ADCY1: variants seen among roughly 807,000 people sequenced by gnomAD.
The protein encoded by ADCY1 is adenylate cyclase type 1.
Under a neutral mutation model 105.4 loss-of-function variants are expected in ADCY1, and 28 were observed. The observed-to-expected ratio is 0.27, with a 90% CI of 0.20 to 0.36. The LOEUF (loss-of-function observed/expected upper bound fraction) is 0.36, where lower values mean the gene tolerates loss of function less well. Among genes scored for constraint, ADCY1 ranks in the 10% least tolerant of loss-of-function variants. The pLI, the probability that ADCY1 is intolerant of heterozygous loss-of-function variation, is 1.00. For synonymous variants in ADCY1, 655 were observed against 623.8 expected, an observed-to-expected ratio of 1.05 and a Z score of -0.75; for missense variants, 977 against 1,434.2, an observed-to-expected ratio of 0.68 and a Z score of 5.15.
Position 45,579,032 on chromosome 7 carries a change from G to A in ADCY1, c.639+3850G>A, listed in dbSNP as rs187561557. Among the ~76,000 whole-genome samples the A allele has an allele frequency of 3.2e-4, 49 of 152,284 alleles. No individual in the cohort carries two copies. The East Asian group carries it at 7.1e-3, about 22-fold the overall frequency. On this transcript the variant is annotated intron_variant, in intron 1 of 19. Coordinates refer to ENST00000297323, the MANE Select transcript of ADCY1 (RefSeq NM_021116.4). ...GAAATCACGATTATCACGGAGAAAT[G>A]GGAGTCAGCTGAAATTTCCCTGTGC...
At chr7:45,585,060 T>C (rs1224730904) in intron 1 of ADCY1, among the ~76,000 whole-genome samples, 2 of 152,250 alleles carry the variant, frequency 1.3e-5, no homozygotes, top group Non-Finnish European at 2.9e-5. Context: ...GCTGGAGCCA[T>C]GCTCAGTGGC....
At position 45,650,206 on chromosome 7, in the gene ADCY1, A is replaced by C. The variant is rs191721455; in HGVS notation, c.1148+1409A>C. Among the ~76,000 whole-genome samples the C allele has an allele frequency of 2.7e-3, 411 of 152,286 alleles. 1 individual carries two copies. In the Middle Eastern group the frequency reaches 0.027, roughly 10 times the overall value. On this transcript the variant is annotated intron_variant, in intron 5 of 19. Coordinates refer to ENST00000297323, the MANE Select transcript of ADCY1 (RefSeq NM_021116.4). ...TGCCACATCATGTTTCATGTAATATATATCACATATATCACATATCACATA... is the reference window on the plus strand; with the variant it reads ...TGCCACATCATGTTTCATGTAATATCTATCACATATATCACATATCACATA...
intron 19 of ADCY1, among the ~76,000 whole-genome samples, chr7:45,711,640 T>TAC (rs1785235199): frequency 1.9e-4 from 4 of 20,774 alleles, no homozygotes; most frequent in Admixed American, 7.2e-4. Context: ...TATATATATA[T>TAC]ATATACACAC....
intron 3 of ADCY1, among the ~76,000 whole-genome samples, chr7:45,611,441 G>A (rs1354072479): frequency 1.3e-5 from 2 of 152,072 alleles, no homozygotes; most frequent in African/African-American, 4.8e-5. Context: ...GACATTTTGG[G>A]CTCAGAATTT....
chr7:45,603,554 C>T (rs976203544), intron 2 of ADCY1, among the ~76,000 whole-genome samples: 6 of 152,098 alleles, frequency 3.9e-5, no homozygotes, highest in African/African-American at 1.4e-4. Context: ...ATCCCATGTG[C>T]CCTTTACCCA....
intron 8 of ADCY1, among the ~76,000 whole-genome samples, chr7:45,668,861 G>A (rs1784312006): frequency 6.6e-6 from 1 of 152,160 alleles, no homozygotes; most frequent in Admixed American, 6.5e-5. Context: ...AGTCTTGGGA[G>A]GGTGTATGTG....
Position 45,678,174 on chromosome 7 carries a change from G to A in ADCY1, c.1809G>A (p.Gln603=). ...KHVEREQKYH[Q]LQDEYFTSAV... Reference sequence around the variant, plus strand: ...ACTTCTCTCTTACACAGTACCACCAGCTTCAGGACGAGTATTTCACCAGCG... The same window carrying A: ...ACTTCTCTCTTACACAGTACCACCAACTTCAGGACGAGTATTTCACCAGCG... The change falls in exon 10 of 20, where the codon CAG becomes CAA. Residue 603 remains glutamine, a synonymous_variant. Coordinates refer to ENST00000297323, the MANE Select transcript of ADCY1 (RefSeq NM_021116.4). 1 of 1,614,190 alleles carries A rather than the reference G, an allele frequency of 6.2e-7. No individual in the cohort carries two copies. The highest frequency in any genetic ancestry group is 1.3e-5 in the African/African-American group (1 of 75,036).
In ADCY1 at chr7:45,710,318, A is replaced by G. The variant is rs1584347635; in HGVS notation, c.2933-210A>G. 6.6e-6 allele frequency among the ~76,000 whole-genome samples: 1 copy of G among 152,108 alleles called. No individual in the cohort carries two copies. The highest frequency in any genetic ancestry group is 1.5e-5 in the Non-Finnish European group (1 of 68,018). The stretch of plus-strand genomic sequence containing the variant: ...ACAGTGTCGTGAGGAGACCCTGCCC[A>G]GGGGAGCCCGTGCAGCAGGGCAGCT... On this transcript the variant is annotated intron_variant, in intron 18 of 19. Coordinates refer to ENST00000297323, the MANE Select transcript of ADCY1 (RefSeq NM_021116.4). The surrounding 1 kb of genome is among the most constrained non-coding windows in gnomAD (Gnocchi z 4.7).
At position 45,588,651 on chromosome 7, in the gene ADCY1, C is replaced by T. The variant is rs933157467; in HGVS notation, c.640-4108C>T. 2.6e-5 allele frequency among the ~76,000 whole-genome samples: 4 copies of T among 152,018 alleles called. No homozygotes were observed. In the East Asian group the frequency reaches 7.8e-4, roughly 30 times the overall value. On this transcript the variant is annotated intron_variant, in intron 1 of 19. Transcript: ENST00000297323. The stretch of plus-strand genomic sequence containing the variant: ...CAGTCAAGTAGAGATGCCCCAGGGC[C>T]TGCGGACAGGTCCTGCTCCTCCTGG...
At chr7:45,659,909 A>G in intron 6 of ADCY1, 133 bp from the exon 7 acceptor site, 1 of 1,151,936 alleles carries the variant, frequency 8.7e-7, no homozygotes, top group Non-Finnish European at 1.2e-6. Flanking sequence ...GCATGGGAGC[A>G]TGAATACTCC....
chr7:45,635,601 GTTTTTTT>G (rs71030884), intron 4 of ADCY1, among the ~76,000 whole-genome samples: 225 of 57,196 alleles, frequency 3.9e-3, no homozygotes, highest in African/African-American at 0.015. Context: ...AATTTCTCTT[GTTTTTTT>G]TTTTTTTTTT....
At chr7:45,694,115 T>TAAA (rs140981457) in intron 14 of ADCY1, among the ~76,000 whole-genome samples, 91 of 115,378 alleles carry the variant, frequency 7.9e-4, no homozygotes, top group Non-Finnish European at 9.4e-4. Flanking sequence ...TAGAGTATAA[T>TAAA]AAAAAAAAAA....
chr7:45,655,463 A>G (rs1024813225), intron 5 of ADCY1, among the ~76,000 whole-genome samples: 3 of 152,246 alleles, frequency 2.0e-5, no homozygotes, highest in South Asian at 2.1e-4. Context: ...TGTTCCTTGG[A>G]AATGAAGTTA....
intron 4 of ADCY1, among the ~76,000 whole-genome samples, chr7:45,628,648 G>A (rs1044408793): frequency 1.4e-4 from 21 of 152,274 alleles, no homozygotes; most frequent in African/African-American, 4.1e-4. Context: ...GAATATGTGT[G>A]GATGACTTTT....
At chr7:45,645,651 G>A (rs870010) in intron 4 of ADCY1, among the ~76,000 whole-genome samples, 60,983 of 151,860 alleles carry the variant, frequency 0.4, 12,459 homozygotes, top group South Asian at 0.5. Flanking sequence ...GACCCTGGAA[G>A]GATGCTGGGA....
chr7:45,660,494 C>T (rs573905500), intron 7 of ADCY1, among the ~76,000 whole-genome samples: 11 of 152,344 alleles, frequency 7.2e-5, no homozygotes, highest in South Asian at 2.1e-4. Flanking sequence ...CATGAAACCC[C>T]GCAGGGGGGC....
chr7:45,574,794 C>G lies in ADCY1; in HGVS notation c.251C>G (p.Pro84Arg), dbSNP rs1379522327. ...GCGCTGGCCGAGCTGCTGGGCGCGC[C>G]GGGGCCCGCGCCCGGCCTGGCCAAG... Reference protein sequence around the residue: ...ALALAELLGAPGPAPGLAKGS... With the variant: ...ALALAELLGARGPAPGLAKGS... Residue 84 changes from proline (P) to arginine (R), a missense_variant, in exon 1 of 20, where the codon CCG (proline) becomes CGG (arginine). Pro to Arg is a moderately radical substitution (Grantham distance 103). Coordinates refer to ENST00000297323, the MANE Select transcript of ADCY1 (RefSeq NM_021116.4). This position sits in a 1 kb window ranked among gnomAD's most constrained non-coding sequence, Gnocchi z 7.0. The G allele has an allele frequency of 3.2e-6, 5 of 1,556,458 alleles. No homozygotes were observed. The highest frequency in any genetic ancestry group is 1.4e-5 in the African/African-American group (1 of 70,354).
intron 2 of ADCY1, among the ~76,000 whole-genome samples, chr7:45,603,616 A>T (rs1438473694): frequency 9.2e-5 from 14 of 152,304 alleles, no homozygotes; most frequent in Non-Finnish European, 2.9e-5. Context: ...CACAACTAGG[A>T]TATTGACATT....
In ADCY1 at chr7:45,592,701, C is replaced by T. The variant is rs138435479; in HGVS notation, c.640-58C>T. On this transcript the variant is annotated intron_variant, in intron 1 of 19. Coordinates refer to ENST00000297323, the MANE Select transcript of ADCY1 (RefSeq NM_021116.4). ...TGCTATGCTCTCCGGGCGGCCTAGG[C>T]CCTCTTTGTGTGTGTGGGATGTCAG... 489 of 1,608,490 alleles carry T rather than the reference C, an allele frequency of 3.0e-4. No individual in the cohort carries two copies. In the African/African-American group the frequency reaches 5.4e-3, roughly 18 times the overall value.
Sources: allele counts gnomAD v4.1 joint callset (sites outside exome capture counted in the v4.1 genomes callset), GRCh38; gene constraint gnomAD v4.1.1; non-coding constraint Gnocchi (gnomAD v3.1); transcripts MANE v1.5; gene names NCBI Gene and HGNC (gene_info 2026-07-23, HGNC 2026-07-21).